Variants in ZBTB40 observed in about 807,000 individuals in gnomAD.
ZBTB40 encodes the protein zinc finger and BTB domain containing 40, also known as zinc finger and BTB domain-containing protein 40.
ZBTB40 carries 60 observed loss-of-function variants against 117.5 expected under a neutral mutation model. That is an observed-to-expected ratio of 0.51 (90% CI 0.41 to 0.63). The LOEUF is 0.63. Ranked by LOEUF, ZBTB40 falls within the 30% of genes least tolerant of loss-of-function variation. ZBTB40 has a pLI of 0.00. For synonymous variants in ZBTB40, 525 were observed against 577.1 expected, an observed-to-expected ratio of 0.91 and a Z score of 1.29; for missense variants, 1,287 against 1,498.5, an observed-to-expected ratio of 0.86 and a Z score of 2.33.
chr1:22,431,642 A>C (rs1457456275), intron 1 of ZBTB40, among the ~76,000 whole-genome samples: 1 of 151,880 alleles, frequency 6.6e-6, no homozygotes, highest in African/African-American at 2.4e-5. Flanking sequence ...AGGCTGAGGC[A>C]GGAGAATCTC....
chr1:22,485,512 G>C (rs1170635866), intron 1 of ZBTB40, among the ~76,000 whole-genome samples: 2 of 143,712 alleles, frequency 1.4e-5, no homozygotes, highest in African/African-American at 5.8e-5. Context: ...TTTTTTCTTT[G>C]TTACCATGGC....
chr1:22,444,356 G>C (rs754099988), intron 1 of ZBTB40, among the ~76,000 whole-genome samples: 1 of 152,136 alleles, frequency 6.6e-6, no homozygotes, highest in Admixed American at 6.5e-5. Context: ...GGAGTCAGAG[G>C]TTGCAGTGAA....
upstream of ZBTB40, among the ~76,000 whole-genome samples, chr1:22,447,407 C>T (rs1640801823): frequency 6.6e-6 from 1 of 152,036 alleles, no homozygotes; most frequent in Middle Eastern, 3.2e-3. Context: ...GAGTGGTTGA[C>T]GGTTAGAGAG....
rs1569890182 is a variant in ZBTB40 at position 22,521,741 on chromosome 1, A to G, written c.3211+83A>G. The G allele has an allele frequency of 3.2e-6, 5 of 1,583,734 alleles. No individual in the cohort carries two copies. In the South Asian group the frequency reaches 4.4e-5, roughly 14 times the overall value. The stretch of plus-strand genomic sequence containing the variant: ...GGCCCCACCAGAAATCCCCACTTCT[A>G]ATAGTCTAGTGTGATGTGCAGTGGT... On this transcript the variant is annotated intron_variant, in intron 15 of 17. Transcript: ENST00000375647.
At chr1:22,526,091 C>A in intron 17 of ZBTB40, 111 bp from the exon 18 acceptor site, 2 of 1,310,646 alleles carry the variant, frequency 1.5e-6, no homozygotes, top group Middle Eastern at 1.9e-4. Context: ...TAAGTGCTCT[C>A]CTCAGGTGAA....
rs921538306 is a variant in ZBTB40, at chr1:22,468,469, T to C, written c.-70+16465T>C. 2.0e-3 allele frequency among the ~76,000 whole-genome samples: 226 copies of C among 112,458 alleles called. 26 individuals carry two copies. The highest frequency in any genetic ancestry group is 2.9e-3 in the Non-Finnish European group (161 of 55,362). The allele number at this position is 112,458 out of a possible 152,430, so 73.8% of individuals were successfully genotyped here. A position where few individuals can be genotyped will look rare whatever the true frequency, so the allele number is the denominator to read the frequency against. On this transcript the variant is annotated intron_variant, in intron 1 of 17. Transcript: ENST00000375647. ...AATTTAAAATGTTAATGTTTCCTTT[T>C]TTTTTTTTTTTTTTTTTTTTTTTGG...
intron 1 of ZBTB40, among the ~76,000 whole-genome samples, chr1:22,440,209 A>C (rs1489128557): frequency 6.6e-6 from 1 of 152,186 alleles, no homozygotes; most frequent in Non-Finnish European, 1.5e-5. Flanking sequence ...TAGCTCTAAC[A>C]GGTTTTTTTG....
intron 17 of ZBTB40, among the ~76,000 whole-genome samples, chr1:22,525,135 G>A (rs1639641701): frequency 6.6e-6 from 1 of 152,158 alleles, no homozygotes; most frequent in Non-Finnish European, 1.5e-5. Context: ...GGCCTCTGGG[G>A]AACAGAGGGG....
At chr1:22,439,793 T>A (rs1378389235) in intron 1 of ZBTB40, among the ~76,000 whole-genome samples, 2 of 152,230 alleles carry the variant, frequency 1.3e-5, no homozygotes, top group Non-Finnish European at 2.9e-5. Context: ...TGTTCTTTTT[T>A]AAGATTGTTT....
At chr1:22,488,644 A>G (rs1486464919) in intron 1 of ZBTB40, among the ~76,000 whole-genome samples, 1 of 152,228 alleles carries the variant, frequency 6.6e-6, no homozygotes, top group Non-Finnish European at 1.5e-5. Flanking sequence ...GGAGCCGATG[A>G]CAGCCAGATC....
chr1:22,480,501 T>C (rs1057439293), intron 1 of ZBTB40, among the ~76,000 whole-genome samples: 4 of 151,994 alleles, frequency 2.6e-5, no homozygotes, highest in Non-Finnish European at 5.9e-5. Flanking sequence ...TCTGTGTCGT[T>C]GTTGTTGTTG....
chr1:22,504,582 C>T (rs748081519), intron 5 of ZBTB40, among the ~76,000 whole-genome samples: 1 of 152,178 alleles, frequency 6.6e-6, no homozygotes, highest in Non-Finnish European at 1.5e-5. Context: ...TCTCTTAACC[C>T]CTATGAGTAC....
In ZBTB40 at chr1:22,528,566, C is replaced by G. The variant is rs1639744529; in HGVS notation, c.*2170C>G. The G allele has an allele frequency of 6.6e-6, 1 of 152,442 alleles. No individual in the cohort carries two copies. Among genetic ancestry groups the G allele is most frequent in the South Asian group, 2.1e-4 (1 of 4,824 alleles). The allele number at this position is 152,442 out of a possible 1,614,324, so 9.4% of individuals were successfully genotyped here. A position where few individuals can be genotyped will look rare whatever the true frequency, so the allele number is the denominator to read the frequency against. ...TTTTTGGGGGAGACAGGGTCTTGCT[C>G]TGTCACCCAGACTGGAACACAGTGG... On this transcript the variant is annotated 3_prime_UTR_variant, in exon 18 of 18. Coordinates refer to ENST00000375647, the MANE Select transcript of ZBTB40 (RefSeq NM_014870.4).
chr1:22,521,691 A>C (rs1263798645), intron 15 of ZBTB40, 33 bp downstream of exon 15: 1 of 1,614,138 alleles, frequency 6.2e-7, no homozygotes, highest in Non-Finnish European at 8.5e-7. Flanking sequence ...AGAGAGCGGG[A>C]GGGGCTTGAT....
At chr1:22,485,028 A>G (rs1460846676) in intron 1 of ZBTB40, among the ~76,000 whole-genome samples, 1 of 152,150 alleles carries the variant, frequency 6.6e-6, no homozygotes, top group African/African-American at 2.4e-5. Flanking sequence ...CTCTTTAGGC[A>G]TTGTTAGAGT....
intron 1 of ZBTB40, among the ~76,000 whole-genome samples, chr1:22,471,766 C>A (rs1641410619): frequency 6.6e-6 from 1 of 152,212 alleles, no homozygotes; most frequent in African/African-American, 2.4e-5. Context: ...GGATGCTGAA[C>A]ACATGACACC....
intron 3 of ZBTB40, among the ~76,000 whole-genome samples, chr1:22,499,639 A>G (rs1183760640): frequency 6.6e-6 from 1 of 152,232 alleles, no homozygotes. Flanking sequence ...GATGTGGATT[A>G]TTAAACTGTG....
rs1282859039 is a variant in ZBTB40 at position 22,511,228 on chromosome 1, C to T, written c.1883C>T (p.Ala628Val). The T allele has an allele frequency of 1.2e-6, 2 of 1,613,906 alleles. No individual in the cohort carries two copies. Among genetic ancestry groups the T allele is most frequent in the Non-Finnish European group, 1.7e-6 (2 of 1,179,968 alleles). ...ETASPEASLRAVLSRAMEKSV... is the reference protein window; with the variant it reads ...ETASPEASLRVVLSRAMEKSV... ...GCCAGCCCTGAAGCTTCCCTGAGAG[C>T]AGTGCTGAGCAGAGCCATGGAAAAA... Residue 628 changes from alanine (A) to valine (V), a missense_variant, in exon 10 of 18, where the codon GCA becomes GTA. Ala to Val is a moderately conservative substitution (Grantham distance 64). Around this residue, in one of 2 missense-constraint regions of ZBTB40, gnomAD observed 870 missense variants for 934.4 expected, o/e 0.93. Coordinates refer to ENST00000375647, the MANE Select transcript of ZBTB40 (RefSeq NM_014870.4).
chr1:22,457,430 A>T (rs529151423), intron 1 of ZBTB40, among the ~76,000 whole-genome samples: 2 of 152,228 alleles, frequency 1.3e-5, no homozygotes, highest in African/African-American at 4.8e-5. Context: ...GAAAACTCCT[A>T]TAGGCCAGAG....
Sources: allele counts gnomAD v4.1 joint callset (sites outside exome capture counted in the v4.1 genomes callset), GRCh38; gene constraint gnomAD v4.1.1; regional missense constraint gnomAD v4.1.1; transcripts MANE v1.5; gene names NCBI Gene and HGNC (gene_info 2026-07-23, HGNC 2026-07-21).